The following EXOC6B variants were observed in gnomAD, a reference collection of about 807,000 sequenced individuals.
EXOC6B encodes the protein SEC15 homolog B.
In EXOC6B, 54 loss-of-function variants were observed where a neutral mutation model predicts 113.5. The observed-to-expected ratio is 0.48, with a 90% CI of 0.38 to 0.60. EXOC6B has a LOEUF of 0.60. Ranked by LOEUF, EXOC6B falls within the 20% of genes least tolerant of loss-of-function variation. The pLI, the probability that EXOC6B is intolerant of heterozygous loss-of-function variation, is 0.00. For synonymous variants in EXOC6B, 357 were observed against 339.0 expected (o/e 1.05, Z -0.58); for missense variants, 797 against 977.5 (o/e 0.82, Z 2.46).
intron 6 of EXOC6B, among the ~76,000 whole-genome samples, chr2:72,680,799 T>C (rs183982999): frequency 2.0e-5 from 3 of 152,154 alleles, no homozygotes; most frequent in East Asian, 3.9e-4. Context: ...CCATTATTTG[T>C]TTTTATATAA....
intron 18 of EXOC6B, among the ~76,000 whole-genome samples, chr2:72,414,464 G>C (rs1023303316): frequency 6.6e-6 from 1 of 152,116 alleles, no homozygotes; most frequent in African/African-American, 2.4e-5. Flanking sequence ...AAAAAAATTA[G>C]TTTCAAGGTT....
At position 72,825,901 on chromosome 2, in the gene EXOC6B, C is replaced by A. The variant is rs1686879172; in HGVS notation, c.10G>T (p.Gly4Cys). 6.2e-7 allele frequency: 1 copy of A among 1,612,962 alleles called. No homozygotes were observed. Among genetic ancestry groups the A allele is most frequent in the Non-Finnish European group, 8.5e-7 (1 of 1,179,632 alleles). The change falls in exon 1 of 22, where the codon GGT (glycine) becomes TGT (cysteine). Residue 4 changes from glycine (G) to cysteine (C), a missense_variant. By Grantham distance (159) the Gly-to-Cys change is radical. Coordinates refer to ENST00000272427, the MANE Select transcript of EXOC6B (RefSeq NM_015189.3). This position sits in a 1 kb window ranked among gnomAD's most constrained non-coding sequence, Gnocchi z 4.4. MER[G>C]KMAEAESLET... ...AGGCTCTCCGCCTCCGCCATCTTAC[C>A]CCGCTCCATAGACTGGGGGCGCCCC... is the stretch of plus-strand genomic sequence containing the variant.
intron 17 of EXOC6B, among the ~76,000 whole-genome samples, chr2:72,472,997 C>CAA (rs1429162838): frequency 1.3e-5 from 2 of 152,100 alleles, no homozygotes; most frequent in African/African-American, 4.8e-5. Context: ...CAATGTTTCT[C>CAA]TTGGTATTGA....
intron 20 of EXOC6B, among the ~76,000 whole-genome samples, chr2:72,186,890 C>T (rs955300067): frequency 6.6e-6 from 1 of 152,140 alleles, no homozygotes; most frequent in Non-Finnish European, 1.5e-5. Context: ...TGGCCGGAAA[C>T]CTGTGGCCAG....
intron 1 of EXOC6B, among the ~76,000 whole-genome samples, chr2:72,823,479 C>CAAAAAAAAAA (rs1214480106): frequency 2.1e-5 from 2 of 95,342 alleles, no homozygotes; most frequent in Admixed American, 1.4e-4. Context: ...AAAAAAAAAA[C>CAAAAAAAAAA]AAAAAACAAA....
rs11334254 is a variant in EXOC6B at position 72,523,780 on chromosome 2, C to CAA, written c.916-8656_916-8655dup. On this transcript the variant is annotated intron_variant, in intron 8 of 21. Transcript: ENST00000272427. Reference sequence around the variant, plus strand: ...TGGGCGACAGAGCGAGACTCCATCTCAAAAAAAAAAAAAAAAAAAAAAAAA... The same window carrying CAA: ...TGGGCGACAGAGCGAGACTCCATCTCAAAAAAAAAAAAAAAAAAAAAAAAAAA... Among the ~76,000 whole-genome samples the CAA allele has an allele frequency of 3.1e-3, 197 of 63,690 alleles. 1 individual carries two copies. Among genetic ancestry groups the CAA allele is most frequent in the African/African-American group, 5.5e-3 (86 of 15,748 alleles). The allele number at this position is 63,690 out of a possible 152,430, so 41.8% of individuals were successfully genotyped here.
rs1224988127 is a variant in EXOC6B at position 72,209,248 on chromosome 2, GA to G, written c.2197-25062del. Among the ~76,000 whole-genome samples the G allele has an allele frequency of 1.9e-4, 16 of 86,096 alleles. 1 individual carries two copies. Among genetic ancestry groups the G allele is most frequent in the African/African-American group, 6.5e-4 (16 of 24,682 alleles). 56.5% of individuals were successfully genotyped at this position (86,096 alleles called of 152,430 possible). ...CAAAAAAAAAAAAAAAAAAAAAAAA[GA>G]AAAGAAAAGAAAAGAAAAGAAAAAA... On this transcript the variant is annotated intron_variant, in intron 20 of 21. Coordinates refer to ENST00000272427, the MANE Select transcript of EXOC6B (RefSeq NM_015189.3).
At position 72,524,006 on chromosome 2, in the gene EXOC6B, A is replaced by G. The variant is rs376947622; in HGVS notation, c.916-8880T>C. ...AGGGAAAGGAAGAAGGGAAGCACAC[A>G]CCATTATTCTTCCGCTTCTGCCTAC... On this transcript the variant is annotated intron_variant, in intron 8 of 21. Transcript: ENST00000272427. Among the ~76,000 whole-genome samples, 7 of 151,864 alleles carry G rather than the reference A, an allele frequency of 4.6e-5. No homozygotes were observed. In the East Asian group the frequency reaches 1.2e-3, roughly 25 times the overall value.
At chr2:72,239,994 C>A (rs548623780) in intron 20 of EXOC6B, among the ~76,000 whole-genome samples, 1 of 151,970 alleles carries the variant, frequency 6.6e-6, no homozygotes, top group African/African-American at 2.4e-5. Context: ...TATGTAATTT[C>A]TGTATAATAT....
chr2:72,407,436 C>G (rs1457053655), intron 18 of EXOC6B, among the ~76,000 whole-genome samples: 1 of 152,172 alleles, frequency 6.6e-6, no homozygotes, highest in Non-Finnish European at 1.5e-5. Flanking sequence ...AGACCAATAT[C>G]CCTGATGAAC....
At chr2:72,582,149 T>C (rs1705262333) in intron 6 of EXOC6B, among the ~76,000 whole-genome samples, 1 of 151,530 alleles carries the variant, frequency 6.6e-6, no homozygotes, top group South Asian at 2.1e-4. Flanking sequence ...TTAGGGAAGG[T>C]GAAAGAGAAG....
intron 6 of EXOC6B, among the ~76,000 whole-genome samples, chr2:72,631,415 T>A (rs1225393873): frequency 1.2e-4 from 1 of 8,658 alleles, no homozygotes; most frequent in African/African-American, 3.1e-4. Context: ...TATGTGTGTG[T>A]GTGTGTGTGT....
At chr2:72,593,214 C>T (rs900530410) in intron 6 of EXOC6B, among the ~76,000 whole-genome samples, 13 of 152,054 alleles carry the variant, frequency 8.5e-5, no homozygotes, top group African/African-American at 2.4e-4. Flanking sequence ...TTAAGTTGTA[C>T]GCTTTCTAAT....
intron 20 of EXOC6B, among the ~76,000 whole-genome samples, chr2:72,226,402 T>C (rs1681243424): frequency 6.6e-6 from 1 of 152,140 alleles, no homozygotes; most frequent in African/African-American, 2.4e-5. Flanking sequence ...CTTTGCAACT[T>C]TTCTGTAAAT....
intron 18 of EXOC6B, among the ~76,000 whole-genome samples, chr2:72,442,139 A>C (rs1696240152): frequency 6.6e-6 from 1 of 152,216 alleles, no homozygotes; most frequent in Non-Finnish European, 1.5e-5. Context: ...AAACAGAACT[A>C]AAGAGAAAAA....
intron 6 of EXOC6B, among the ~76,000 whole-genome samples, chr2:72,630,219 CT>C (rs1672303703): frequency 6.6e-6 from 1 of 152,266 alleles, no homozygotes; most frequent in South Asian, 2.1e-4. Flanking sequence ...TGACTGAAGC[CT>C]AACCCTCTAA....
chr2:72,771,165 T>A (rs1683385434), intron 1 of EXOC6B, among the ~76,000 whole-genome samples: 1 of 152,186 alleles, frequency 6.6e-6, no homozygotes, highest in Admixed American at 6.6e-5. Flanking sequence ...TTCATACTCA[T>A]CACAAGCACA....
intron 20 of EXOC6B, among the ~76,000 whole-genome samples, chr2:72,226,477 A>C (rs1481922389): frequency 5.3e-5 from 8 of 152,244 alleles, no homozygotes; most frequent in Non-Finnish European, 1.0e-4. Flanking sequence ...CTATCCCAGC[A>C]GGGGAGGAGG....
At chr2:72,597,194 T>C (rs1366940091) in intron 6 of EXOC6B, among the ~76,000 whole-genome samples, 2 of 151,524 alleles carry the variant, frequency 1.3e-5, no homozygotes, top group Admixed American at 6.6e-5. Context: ...ATGTAAATCT[T>C]ACCTCAATTT....
Sources: gnomAD v4.1 joint callset for allele counts (sites outside exome capture counted in the v4.1 genomes callset) on GRCh38, gnomAD v4.1.1 for gene constraint, Gnocchi (gnomAD v3.1) non-coding constraint, MANE v1.5 for transcripts, NCBI Gene and HGNC (gene_info 2026-07-23, HGNC 2026-07-21) for gene names.